GPD2: variants seen among roughly 807,000 people sequenced by gnomAD.
The protein encoded by GPD2 is glycerol-3-phosphate dehydrogenase 2, also known as glycerol-3-phosphate dehydrogenase, mitochondrial.
In GPD2, 54 loss-of-function variants were observed where a neutral mutation model predicts 82.4. That is an observed-to-expected ratio of 0.66 (90% CI 0.53 to 0.82). GPD2 has a LOEUF of 0.82. Ranked by LOEUF, GPD2 falls within the 40% of genes least tolerant of loss-of-function variation. The pLI is 0.00. For missense variants in GPD2, 748 were observed against 896.2 expected (o/e 0.83, Z 2.11); for synonymous variants, 288 against 306.1 (o/e 0.94, Z 0.62).
chr2:156,417,239 A>C, the GPD2 span, among the ~76,000 whole-genome samples: 1 of 152,172 alleles, frequency 6.6e-6, no homozygotes, highest in Non-Finnish European at 1.5e-5. Flanking sequence ...TGATTTGATC[A>C]ATTTTATTCA....
intron 2 of GPD2, among the ~76,000 whole-genome samples, chr2:156,478,026 C>A (rs1255790407): frequency 6.6e-6 from 1 of 152,126 alleles, no homozygotes; most frequent in Non-Finnish European, 1.5e-5. Flanking sequence ...TATCTTTTAA[C>A]CACAGTAAGC....
chr2:156,526,367 T>A (rs929425575), intron 6 of GPD2, among the ~76,000 whole-genome samples: 1 of 152,204 alleles, frequency 6.6e-6, no homozygotes, highest in African/African-American at 2.4e-5. Context: ...ATTATCATTA[T>A]GTAAAATATG....
At chr2:156,490,725 CTT>C (rs1296600101) in intron 2 of GPD2, among the ~76,000 whole-genome samples, 4 of 152,136 alleles carry the variant, frequency 2.6e-5, no homozygotes, top group African/African-American at 9.7e-5. Flanking sequence ...GGACCAATTG[CTT>C]AACTTCTGTA....
intron 2 of GPD2, among the ~76,000 whole-genome samples, chr2:156,489,888 C>T (rs1345009758): frequency 6.9e-6 from 1 of 144,412 alleles, no homozygotes; most frequent in Non-Finnish European, 1.5e-5. Flanking sequence ...CCCTCCCCTC[C>T]CCTCCTTCCT....
chr2:156,425,008 CTG>C, the GPD2 span, among the ~76,000 whole-genome samples: 2 of 152,180 alleles, frequency 1.3e-5, no homozygotes, highest in East Asian at 3.9e-4. Context: ...TGAAAAAAAA[CTG>C]TAATTTCCTA....
chr2:156,479,511 T>C (rs1318857517), intron 2 of GPD2, among the ~76,000 whole-genome samples: 1 of 152,196 alleles, frequency 6.6e-6, no homozygotes, highest in Non-Finnish European at 1.5e-5. Context: ...TCTAGAGGTT[T>C]ATTATTTTTA....
intron 10 of GPD2, 31 bp downstream of exon 10, chr2:156,568,990 C>CTT (rs36082652): frequency 0.047 from 58,045 of 1,241,514 alleles, 20 homozygotes; most frequent in Non-Finnish European, 0.052. Flanking sequence ...ATTTTCTTTT[C>CTT]TTTTTTTTTT....
chr2:156,582,843 A>G lies in GPD2; in HGVS notation c.2109A>G (p.Ile703Met), dbSNP rs1688078056. ...KGRVSGSRLA[I>M]LMKTAEENLD... ...GGGTATCTGGAAGCCGGCTTGCTAT[A>G]CTAATGAAAACTGCAGAAGAGAACC... The change falls in exon 17 of 17, where the codon ATA becomes ATG. Residue 703 changes from isoleucine to methionine, a missense_variant. Transcript: ENST00000438166. The G allele has an allele frequency of 1.1e-5, 17 of 1,612,942 alleles. No individual in the cohort carries two copies. Among genetic ancestry groups the G allele is most frequent in the Non-Finnish European group, 1.4e-5 (16 of 1,179,042 alleles).
intron 6 of GPD2, among the ~76,000 whole-genome samples, chr2:156,545,413 T>C (rs1447027442): frequency 1.3e-5 from 2 of 152,180 alleles, no homozygotes; most frequent in South Asian, 2.1e-4. Context: ...GCATCATTTT[T>C]CCCCTTTCTT....
chr2:156,411,382 C>G, the GPD2 span, among the ~76,000 whole-genome samples: 1 of 152,062 alleles, frequency 6.6e-6, no homozygotes, highest in African/African-American at 2.4e-5. Context: ...ATGGTGTGAT[C>G]TTGGCTCGCT....
the GPD2 span, among the ~76,000 whole-genome samples, chr2:156,420,207 A>C: frequency 1.6e-4 from 24 of 152,016 alleles, no homozygotes; most frequent in African/African-American, 5.8e-4. Context: ...TTTGAGGCAG[A>C]GTCTCACTCT....
At chr2:156,421,387 G>A in the GPD2 span, among the ~76,000 whole-genome samples, 14 of 152,252 alleles carry the variant, frequency 9.2e-5, no homozygotes, top group South Asian at 2.9e-3. Flanking sequence ...TGCATAAGTA[G>A]CCTGCAGTTC....
At chr2:156,431,892 T>G (rs560713368), upstream of GPD2, among the ~76,000 whole-genome samples, 103 of 149,920 alleles carry the variant, frequency 6.9e-4, no homozygotes, top group African/African-American at 2.4e-3. Flanking sequence ...AATCTTTTTT[T>G]TTTTTTTTTT....
At chr2:156,538,474 T>C (rs1686165760) in intron 6 of GPD2, among the ~76,000 whole-genome samples, 1 of 139,776 alleles carries the variant, frequency 7.2e-6, no homozygotes, top group Admixed American at 7.0e-5. Context: ...CTCAGATTGC[T>C]GTTAAAAAAA....
chr2:156,437,868 GT>G (rs960560462), intron 1 of GPD2, among the ~76,000 whole-genome samples: 2 of 151,930 alleles, frequency 1.3e-5, no homozygotes, highest in African/African-American at 4.8e-5. Context: ...AGTTTTTTTT[GT>G]AACTATTTAA....
chr2:156,453,686 G>A (rs1028217772), intron 1 of GPD2, among the ~76,000 whole-genome samples: 1 of 152,128 alleles, frequency 6.6e-6, no homozygotes, highest in Non-Finnish European at 1.5e-5. Context: ...AGACCAGCCT[G>A]GCTAACATGG....
At chr2:156,512,402 A>C in intron 5 of GPD2, 85 bp downstream of exon 5, 1 of 777,370 alleles carries the variant, frequency 1.3e-6, no homozygotes, top group East Asian at 2.5e-5. Flanking sequence ...CCCTCAATGC[A>C]TATTTCATAA....
chr2:156,430,479 T>C (rs1688305008), upstream of GPD2, among the ~76,000 whole-genome samples: 1 of 152,246 alleles, frequency 6.6e-6, no homozygotes, highest in Admixed American at 6.5e-5. Flanking sequence ...CTGATAAGGA[T>C]ACCGAGGTTC....
intron 6 of GPD2, among the ~76,000 whole-genome samples, chr2:156,532,172 T>C (rs1006194898): frequency 6.6e-6 from 1 of 152,056 alleles, no homozygotes; most frequent in Non-Finnish European, 1.5e-5. Flanking sequence ...TAGTTTTTAT[T>C]TTTAAAAAAC....
Sources: gnomAD v4.1 joint callset for allele counts (sites outside exome capture counted in the v4.1 genomes callset) on GRCh38, gnomAD v4.1.1 for gene constraint, MANE v1.5 for transcripts, NCBI Gene and HGNC (gene_info 2026-07-23, HGNC 2026-07-21) for gene names.